SEM1: variants seen among roughly 807,000 people sequenced by gnomAD.
The protein encoded by SEM1 is SEM1 26S proteasome subunit.
A neutral mutation model predicts 12.7 loss-of-function variants in SEM1; 3 were observed. The ratio of observed to expected loss-of-function variants is 0.24; its 90% CI spans 0.11 to 0.61. The LOEUF (loss-of-function observed/expected upper bound fraction) is 0.61. SEM1 is among the 20% of genes least tolerant of loss of function. The pLI is 0.88. For synonymous variants in SEM1, 30 were observed against 27.8 expected, an observed-to-expected ratio of 1.08 and a Z score of -0.25; for missense variants, 59 against 81.3, an observed-to-expected ratio of 0.73 and a Z score of 1.06.
chr7:96,577,607 G>A (rs1293406822), intron 2 of SEM1, among the ~76,000 whole-genome samples: 1 of 151,950 alleles, frequency 6.6e-6, no homozygotes, highest in Non-Finnish European at 1.5e-5. Context: ...ATGGATTTGG[G>A]GATGGATTTC....
At chr7:96,649,313 T>C (rs1808894183) in intron 2 of SEM1, 1 of 152,186 alleles carries the variant, frequency 6.6e-6, no homozygotes, top group Non-Finnish European at 1.5e-5. Flanking sequence ...GTGTTTTCTA[T>C]AGCCCACTAG....
chr7:96,675,359 T>C (rs938937365), intron 2 of SEM1, among the ~76,000 whole-genome samples: 8 of 152,142 alleles, frequency 5.3e-5, no homozygotes, highest in African/African-American at 1.9e-4. Flanking sequence ...CTTCTATGTA[T>C]AGAGAAAAGG....
chr7:96,666,491 C>T (rs1005901061), intron 2 of SEM1, among the ~76,000 whole-genome samples: 6 of 152,028 alleles, frequency 3.9e-5, no homozygotes, highest in African/African-American at 1.4e-4. Flanking sequence ...GTATAACATC[C>T]AGCTCATAGC....
intron 3 of SEM1, among the ~76,000 whole-genome samples, chr7:96,504,311 ACAAG>A: frequency 6.6e-6 from 1 of 152,278 alleles, no homozygotes; most frequent in East Asian, 1.9e-4. Flanking sequence ...TAGAAAAACT[ACAAG>A]CAGAGACTCC....
intron 1 of SEM1, among the ~76,000 whole-genome samples, chr7:96,700,716 G>A (rs1790244729): frequency 6.6e-6 from 1 of 152,070 alleles, no homozygotes. Context: ...AACCACAATT[G>A]CTTACTGCTT....
At chr7:96,548,711 C>A (rs1008284289) in intron 2 of SEM1, among the ~76,000 whole-genome samples, 4 of 152,066 alleles carry the variant, frequency 2.6e-5, no homozygotes, top group Admixed American at 1.3e-4. Flanking sequence ...AATATAAACT[C>A]TTTGAGCACA....
chr7:96,674,610 T>C (rs1017843141), intron 2 of SEM1, among the ~76,000 whole-genome samples: 7 of 152,138 alleles, frequency 4.6e-5, no homozygotes, highest in African/African-American at 1.4e-4. Flanking sequence ...AAGACAGCCG[T>C]GAGCCATGAT....
chr7:96,706,594 A>AAAG (rs1563122448), intron 1 of SEM1, among the ~76,000 whole-genome samples: 320 of 123,424 alleles, frequency 2.6e-3, no homozygotes, highest in Non-Finnish European at 3.9e-3. Context: ...AAAAAAAAAA[A>AAAG]AGAGAGAGAG....
intron 2 of SEM1, among the ~76,000 whole-genome samples, chr7:96,599,351 C>T (rs2116181130): frequency 6.6e-6 from 1 of 152,112 alleles, no homozygotes; most frequent in East Asian, 1.9e-4. Flanking sequence ...CAAACCAAAA[C>T]AACAAACAGC....
intron 1 of SEM1, among the ~76,000 whole-genome samples, chr7:96,709,371 A>C (rs1790575139): frequency 6.6e-6 from 1 of 152,238 alleles, no homozygotes; most frequent in South Asian, 2.1e-4. Flanking sequence ...ACTTGAACTA[A>C]GTTTAAGTGG....
chr7:96,543,751 A>G (rs1171439790), intron 2 of SEM1, among the ~76,000 whole-genome samples: 1 of 152,036 alleles, frequency 6.6e-6, no homozygotes, highest in African/African-American at 2.4e-5. Flanking sequence ...TGACTACCAA[A>G]TACATGCAGA....
At chr7:96,513,711 C>A (rs1804000858) in intron 2 of SEM1, among the ~76,000 whole-genome samples, 1 of 152,016 alleles carries the variant, frequency 6.6e-6, no homozygotes, top group Non-Finnish European at 1.5e-5. Flanking sequence ...CACCTGTAAT[C>A]CCAGTTACTC....
At chr7:96,675,588 T>C (rs188969376) in intron 2 of SEM1, among the ~76,000 whole-genome samples, 2 of 152,208 alleles carry the variant, frequency 1.3e-5, no homozygotes, top group Admixed American at 1.3e-4. Context: ...CTCCCCAGTC[T>C]CTCCTTGGGG....
intron 2 of SEM1, among the ~76,000 whole-genome samples, chr7:96,666,260 G>A (rs927710581): frequency 2.6e-5 from 4 of 152,052 alleles, no homozygotes; most frequent in South Asian, 2.1e-4. Context: ...GCCTATGAAC[G>A]GAGGCCCTGT....
At chr7:96,643,950 T>C (rs1180154152) in intron 2 of SEM1, among the ~76,000 whole-genome samples, 1 of 152,136 alleles carries the variant, frequency 6.6e-6, no homozygotes, top group African/African-American at 2.4e-5. Context: ...TAAATCTCCA[T>C]CTAGAAGCCT....
chr7:96,661,281 C>G (rs1788992445), intron 2 of SEM1, among the ~76,000 whole-genome samples: 1 of 152,138 alleles, frequency 6.6e-6, no homozygotes, highest in Non-Finnish European at 1.5e-5. Flanking sequence ...TATGGAAAGA[C>G]ATTTGCACCT....
intron 1 of SEM1, among the ~76,000 whole-genome samples, chr7:96,493,114 A>G (rs904096353): frequency 1.3e-5 from 2 of 151,884 alleles, no homozygotes; most frequent in African/African-American, 2.4e-5. Flanking sequence ...GTTGGGTTAT[A>G]GCCACATACC....
At chr7:96,516,238 G>A (rs1324316880) in intron 2 of SEM1, among the ~76,000 whole-genome samples, 2 of 152,038 alleles carry the variant, frequency 1.3e-5, no homozygotes, top group Non-Finnish European at 2.9e-5. Context: ...CTGATAAGTT[G>A]GACTTCATCC....
At chr7:96,583,685 G>T (rs1013147035) in intron 2 of SEM1, among the ~76,000 whole-genome samples, 5 of 150,580 alleles carry the variant, frequency 3.3e-5, no homozygotes, top group Non-Finnish European at 5.9e-5. Flanking sequence ...ATTTAGGATG[G>T]TTAGCTCTTC....
Sources: allele counts gnomAD v4.1 joint callset (sites outside exome capture counted in the v4.1 genomes callset), GRCh38; gene constraint gnomAD v4.1.1; transcripts MANE v1.5; gene names NCBI Gene and HGNC (gene_info 2026-07-23, HGNC 2026-07-21).